KCNIP4: variants seen among roughly 807,000 people sequenced by gnomAD.
KCNIP4 encodes the protein Kv channel-interacting protein 4.
In KCNIP4, 12 loss-of-function variants were observed where a neutral mutation model predicts 34.0. The observed-to-expected ratio is 0.35, with a 90% CI of 0.23 to 0.57. The LOEUF is 0.57. Among genes scored for constraint, KCNIP4 ranks in the 20% least tolerant of loss-of-function variants. The pLI, the probability that KCNIP4 is intolerant of heterozygous loss-of-function variation, is 0.83. For synonymous variants in KCNIP4, 124 were observed against 102.2 expected, an observed-to-expected ratio of 1.21 and a Z score of -1.29; for missense variants, 238 against 311.7, an observed-to-expected ratio of 0.76 and a Z score of 1.78.
intron 1 of KCNIP4, among the ~76,000 whole-genome samples, chr4:21,916,694 G>A (rs1489154589): frequency 6.6e-6 from 1 of 152,172 alleles, no homozygotes; most frequent in African/African-American, 2.4e-5. Flanking sequence ...CAAAGTGAAT[G>A]CTATTCTGGG....
chr4:21,183,384 T>G (rs1380189063), intron 1 of KCNIP4, among the ~76,000 whole-genome samples: 1 of 152,028 alleles, frequency 6.6e-6, no homozygotes, highest in Non-Finnish European at 1.5e-5. Flanking sequence ...TACCCAGAAG[T>G]AAGATTTGCT....
At chr4:21,256,056 A>C (rs564878284) in intron 1 of KCNIP4, among the ~76,000 whole-genome samples, 1 of 152,064 alleles carries the variant, frequency 6.6e-6, no homozygotes, top group Non-Finnish European at 1.5e-5. Context: ...AGCAAGGTAA[A>C]AAAAAAAATT....
intron 1 of KCNIP4, among the ~76,000 whole-genome samples, chr4:21,425,541 A>G (rs1725854963): frequency 6.6e-6 from 1 of 152,204 alleles, no homozygotes; most frequent in African/African-American, 2.4e-5. Flanking sequence ...AGTATGAAAA[A>G]ATAAAATGAA....
rs149461658 is a variant in KCNIP4 at position 21,598,098 on chromosome 4, C to T, written c.61+350473G>A. Among the ~76,000 whole-genome samples, 139 of 152,066 alleles carry T rather than the reference C, an allele frequency of 9.1e-4. 1 individual carries two copies. The highest frequency in any genetic ancestry group is 7.0e-3 in the East Asian group (36 of 5,170). On this transcript the variant is annotated intron_variant, in intron 1 of 8. Transcript: ENST00000382152. ...TGACTATTCTGGATTAAAGCAGCAC[C>T]GGTTACCATTAAATGAAAGGAGAGA... is the stretch of plus-strand genomic sequence containing the variant.
intron 1 of KCNIP4, among the ~76,000 whole-genome samples, chr4:21,346,197 T>TATATATATATATATATAATTC (rs1717337379): frequency 4.0e-4 from 1 of 2,490 alleles, no homozygotes; most frequent in African/African-American, 5.8e-4. Context: ...ATATATAGAA[T>TATATATATATATATATAATTC]TATATATATA....
intron 1 of KCNIP4, among the ~76,000 whole-genome samples, chr4:21,623,596 G>T (rs1259342311): frequency 2.0e-5 from 3 of 152,080 alleles, no homozygotes; most frequent in African/African-American, 4.8e-5. Context: ...ACTACTTTCT[G>T]CCATCTACTA....
chr4:21,756,167 C>A (rs976517220), intron 1 of KCNIP4, among the ~76,000 whole-genome samples: 1 of 152,094 alleles, frequency 6.6e-6, no homozygotes, highest in Non-Finnish European at 1.5e-5. Context: ...AGATACATTT[C>A]TCCTTGTTCT....
chr4:21,353,133 C>T (rs1718189047), intron 1 of KCNIP4, among the ~76,000 whole-genome samples: 1 of 152,140 alleles, frequency 6.6e-6, no homozygotes, highest in African/African-American at 2.4e-5. Context: ...ACCAAAACCC[C>T]ATCTGTAGGT....
intron 5 of KCNIP4, among the ~76,000 whole-genome samples, chr4:20,742,695 G>A (rs956203582): frequency 6.6e-6 from 1 of 152,140 alleles, no homozygotes; most frequent in East Asian, 1.9e-4. Context: ...ATTCAACATA[G>A]TGTTGGAAGT....
chr4:21,875,346 C>G (rs1726049342), intron 1 of KCNIP4, among the ~76,000 whole-genome samples: 1 of 152,148 alleles, frequency 6.6e-6, no homozygotes, highest in South Asian at 2.1e-4. Context: ...CCAATAGAGA[C>G]AGGATTTGAT....
intron 1 of KCNIP4, among the ~76,000 whole-genome samples, chr4:21,925,562 C>T (rs1320583780): frequency 6.6e-6 from 1 of 152,112 alleles, no homozygotes; most frequent in East Asian, 1.9e-4. Flanking sequence ...TCTTTTTCAT[C>T]CTCCAGGGCT....
chr4:21,807,291 A>G (rs1721354950), intron 1 of KCNIP4, among the ~76,000 whole-genome samples: 2 of 152,266 alleles, frequency 1.3e-5, no homozygotes, highest in South Asian at 4.2e-4. Context: ...CAGACCACAG[A>G]CTGCGACTCG....
intron 1 of KCNIP4, among the ~76,000 whole-genome samples, chr4:21,378,492 A>C (rs1721180744): frequency 6.6e-6 from 1 of 152,150 alleles, no homozygotes; most frequent in Admixed American, 6.5e-5. Context: ...TAAATTCTAG[A>C]AGCTGAAATC....
At position 20,868,790 on chromosome 4, in the gene KCNIP4, C is replaced by T. The variant is rs150565768; in HGVS notation, c.163+13818G>A. ...ACTTGTGAGAGTTAAACATTGAACA[C>T]GCATGGAAATAAATATGGGAACAGT... is the stretch of plus-strand genomic sequence containing the variant. On this transcript the variant is annotated intron_variant, in intron 2 of 8. Transcript: ENST00000382152. Among the ~76,000 whole-genome samples the T allele has an allele frequency of 7.0e-3, 1,063 of 152,096 alleles. 6 individuals are homozygous for T. The highest frequency in any genetic ancestry group is 0.024 in the South Asian group (117 of 4,822).
intron 1 of KCNIP4, among the ~76,000 whole-genome samples, chr4:21,925,209 A>G (rs909857432): frequency 1.4e-4 from 21 of 151,454 alleles, no homozygotes; most frequent in Non-Finnish European, 1.0e-4. Flanking sequence ...CATTAGGTAT[A>G]TCTCCTAATG....
chr4:21,331,521 C>T (rs902641420), intron 1 of KCNIP4, among the ~76,000 whole-genome samples: 1 of 152,014 alleles, frequency 6.6e-6, no homozygotes, highest in African/African-American at 2.4e-5. Flanking sequence ...GAAGCTGGGG[C>T]CCAGTAAATT....
In KCNIP4 at chr4:21,223,182, G is replaced by T. The variant is rs1560187752; in HGVS notation, c.62-340473C>A. On this transcript the variant is annotated intron_variant, in intron 1 of 8. Coordinates refer to ENST00000382152, the MANE Select transcript of KCNIP4 (RefSeq NM_025221.6). ...ATAAGTGGGAGGCAAGTGGGGCAGGGTCAGAAAAAGGTGATATAATCCTGG... is the reference window on the plus strand; with the variant it reads ...ATAAGTGGGAGGCAAGTGGGGCAGGTTCAGAAAAAGGTGATATAATCCTGG... Among the ~76,000 whole-genome samples, 5 of 152,102 alleles carry T rather than the reference G, an allele frequency of 3.3e-5. No homozygotes were observed. In the South Asian group the frequency reaches 8.3e-4, roughly 25 times the overall value.
chr4:21,622,397 C>T (rs2109180074), intron 1 of KCNIP4, among the ~76,000 whole-genome samples: 1 of 152,166 alleles, frequency 6.6e-6, no homozygotes, highest in Admixed American at 6.5e-5. Flanking sequence ...AATTCCACAC[C>T]AATTAAAAAA....
At chr4:21,067,763 C>T (rs1308980807) in intron 1 of KCNIP4, among the ~76,000 whole-genome samples, 3 of 152,082 alleles carry the variant, frequency 2.0e-5, no homozygotes, top group African/African-American at 4.8e-5. Context: ...AAGCTCAGCA[C>T]AGAGAGAGAC....
Sources: gnomAD v4.1 joint callset for allele counts (sites outside exome capture counted in the v4.1 genomes callset) on GRCh38, gnomAD v4.1.1 for gene constraint, MANE v1.5 for transcripts, NCBI Gene and HGNC (gene_info 2026-07-23, HGNC 2026-07-21) for gene names.